KCNH8: variants seen among roughly 807,000 people sequenced by gnomAD.
The protein encoded by KCNH8 is voltage-gated delayed rectifier potassium channel KCNH8.
Under a neutral mutation model 103.6 loss-of-function variants are expected in KCNH8, and 70 were observed. That is an observed-to-expected ratio of 0.68 (90% CI 0.56 to 0.82). The LOEUF (loss-of-function observed/expected upper bound fraction) is 0.82. Among genes scored for constraint, KCNH8 ranks in the 40% least tolerant of loss-of-function variants. The pLI, the probability that KCNH8 is intolerant of heterozygous loss-of-function variation, is 0.00. For synonymous variants in KCNH8, 498 were observed against 489.4 expected, an observed-to-expected ratio of 1.02 and a Z score of -0.23; for missense variants, 1,217 against 1,329.9, an observed-to-expected ratio of 0.92 and a Z score of 1.32.
chr3:19,464,194 G>A (rs965980887), intron 11 of KCNH8, among the ~76,000 whole-genome samples: 2 of 152,082 alleles, frequency 1.3e-5, no homozygotes, highest in African/African-American at 2.4e-5. Flanking sequence ...ATGAATGCAA[G>A]GCTGTACAAT....
chr3:19,233,061 TCC>T (rs1208431887), intron 1 of KCNH8, among the ~76,000 whole-genome samples: 2 of 62,344 alleles, frequency 3.2e-5, no homozygotes, highest in African/African-American at 1.3e-4. Flanking sequence ...TTGATATTCC[TCC>T]CCCCCCCCAC....
chr3:19,501,275 G>A (rs1314134964), intron 11 of KCNH8, among the ~76,000 whole-genome samples: 1 of 152,148 alleles, frequency 6.6e-6, no homozygotes, highest in Admixed American at 6.5e-5. Flanking sequence ...TGAAATTGTG[G>A]CAATAATCAA....
chr3:19,310,975 G>C (rs2065200461), intron 3 of KCNH8, among the ~76,000 whole-genome samples: 4 of 151,676 alleles, frequency 2.6e-5, no homozygotes, highest in Admixed American at 2.0e-4. Context: ...TTGCTCTACT[G>C]TGACTTTTGC....
At chr3:19,186,811 G>C (rs1172018369) in intron 1 of KCNH8, among the ~76,000 whole-genome samples, 4 of 151,994 alleles carry the variant, frequency 2.6e-5, no homozygotes, top group African/African-American at 9.7e-5. Flanking sequence ...ATTACAGAGA[G>C]GGGTGAAGGA....
chr3:19,196,188 C>T (rs2063600269), intron 1 of KCNH8, among the ~76,000 whole-genome samples: 1 of 151,956 alleles, frequency 6.6e-6, no homozygotes, highest in Admixed American at 6.6e-5. Context: ...TATTGTCTTC[C>T]TCTACCACTC....
At chr3:19,351,245 A>G (rs1032938581) in intron 5 of KCNH8, among the ~76,000 whole-genome samples, 2 of 152,178 alleles carry the variant, frequency 1.3e-5, no homozygotes, top group Non-Finnish European at 2.9e-5. Flanking sequence ...TGAAAAGACC[A>G]AATCTACATC....
rs186548348 is a variant in KCNH8 at position 19,432,253 on chromosome 3, G to A, written c.1178-5911G>A. 1.5e-3 allele frequency among the ~76,000 whole-genome samples: 235 copies of A among 152,110 alleles called. 2 individuals are homozygous for A. The highest frequency in any genetic ancestry group is 4.4e-4 in the Non-Finnish European group (30 of 67,970). On this transcript the variant is annotated intron_variant, in intron 7 of 15. Transcript: ENST00000328405. ...GATTAGAATTTTCTTTTGAAGTTTTGCAAACCAGGGAAACTTGAGATTCCT... is the reference window on the plus strand; with the variant it reads ...GATTAGAATTTTCTTTTGAAGTTTTACAAACCAGGGAAACTTGAGATTCCT...
At position 19,341,622 on chromosome 3, in the gene KCNH8, A is replaced by T. The variant is rs1256157112; in HGVS notation, c.443-965A>T. On this transcript the variant is annotated intron_variant, in intron 3 of 15. Coordinates refer to ENST00000328405, the MANE Select transcript of KCNH8 (RefSeq NM_144633.3). Reference sequence around the variant, plus strand: ...ACAAAGAGCTATTGCAAATAAATTTAAAAACACTACTTTGATTCTAAAATT... The same window carrying T: ...ACAAAGAGCTATTGCAAATAAATTTTAAAACACTACTTTGATTCTAAAATT... 2.0e-5 allele frequency among the ~76,000 whole-genome samples: 3 copies of T among 152,192 alleles called. No individual in the cohort carries two copies. The East Asian group carries it at 5.8e-4, about 29-fold the overall frequency.
At chr3:19,531,615 A>T (rs1246255618) in intron 15 of KCNH8, among the ~76,000 whole-genome samples, 1 of 152,210 alleles carries the variant, frequency 6.6e-6, no homozygotes, top group African/African-American at 2.4e-5. Flanking sequence ...TGCCCAAACC[A>T]TGGAAAAACC....
intron 4 of KCNH8, among the ~76,000 whole-genome samples, chr3:19,344,101 TG>T (rs1446955243): frequency 6.6e-6 from 1 of 151,964 alleles, no homozygotes. Context: ...GCACACCACT[TG>T]ATCTATGGAT....
chr3:19,487,023 A>T (rs1293413813), intron 11 of KCNH8, among the ~76,000 whole-genome samples: 1 of 152,162 alleles, frequency 6.6e-6, no homozygotes, highest in Admixed American at 6.5e-5. Context: ...ACTGCCAAGG[A>T]GTGTCCCAGC....
At position 19,497,725 on chromosome 3, in the gene KCNH8, G is replaced by A. The variant is rs576410766; in HGVS notation, c.2041-12638G>A. 2.1e-4 allele frequency among the ~76,000 whole-genome samples: 32 copies of A among 152,282 alleles called. No individual in the cohort carries two copies. The East Asian group carries it at 5.0e-3, about 24-fold the overall frequency. On this transcript the variant is annotated intron_variant, in intron 11 of 15. Coordinates refer to ENST00000328405, the MANE Select transcript of KCNH8 (RefSeq NM_144633.3). ...AAGGATGTATATTCTGTTGTTTTGG[G>A]TGGAGAGTTTTGTAGATACTTGACA...
chr3:19,399,934 C>T (rs2066585171), intron 7 of KCNH8, among the ~76,000 whole-genome samples: 1 of 151,818 alleles, frequency 6.6e-6, no homozygotes. Context: ...GCTAAGGTAG[C>T]CCCAGATTGC....
chr3:19,326,115 A>G (rs964915444), intron 3 of KCNH8, among the ~76,000 whole-genome samples: 2 of 152,070 alleles, frequency 1.3e-5, no homozygotes, highest in African/African-American at 2.4e-5. Flanking sequence ...GTTCTTACTC[A>G]TAAGTGGGAG....
intron 1 of KCNH8, among the ~76,000 whole-genome samples, chr3:19,194,173 G>A (rs1273317550): frequency 6.6e-6 from 1 of 151,802 alleles, no homozygotes; most frequent in Non-Finnish European, 1.5e-5. Context: ...GATGCTAATA[G>A]TAGGTAATAG....
intron 1 of KCNH8, among the ~76,000 whole-genome samples, chr3:19,233,709 AG>A (rs1236439621): frequency 6.6e-6 from 1 of 152,114 alleles, no homozygotes; most frequent in East Asian, 1.9e-4. Context: ...CACGTGTCAA[AG>A]ATGTACACGC....
chr3:19,526,605 A>G (rs1015989735), intron 15 of KCNH8, among the ~76,000 whole-genome samples: 6 of 151,940 alleles, frequency 3.9e-5, no homozygotes, highest in Non-Finnish European at 8.8e-5. Flanking sequence ...GGACACTGAC[A>G]ACGCATGGTG....
intron 7 of KCNH8, among the ~76,000 whole-genome samples, chr3:19,406,625 C>T (rs551478604): frequency 1.3e-5 from 2 of 151,942 alleles, no homozygotes; most frequent in African/African-American, 4.8e-5. Flanking sequence ...TTTTTTTCAA[C>T]CCCCATGCTC....
intron 2 of KCNH8, among the ~76,000 whole-genome samples, chr3:19,256,228 T>C (rs1232887772): frequency 1.3e-5 from 2 of 152,120 alleles, no homozygotes; most frequent in Admixed American, 6.6e-5. Context: ...TTGTAAGTTA[T>C]TTTTCCTTGG....
Sources: allele counts gnomAD v4.1 joint callset (sites outside exome capture counted in the v4.1 genomes callset), GRCh38; gene constraint gnomAD v4.1.1; transcripts MANE v1.5; gene names NCBI Gene and HGNC (gene_info 2026-07-23, HGNC 2026-07-21).